ZFY: variants seen among roughly 807,000 people sequenced by gnomAD.
ZFY encodes zinc finger Y-chromosomal protein.
For synonymous variants in ZFY, 47 were observed against 55.8 expected (o/e 0.84, Z 0.71); for missense variants, 113 against 170.9 (o/e 0.66, Z 1.89).
At chrY:2,970,515 C>A in intron 3 of ZFY, among the ~76,000 whole-genome samples, 1 of 33,669 alleles carries the variant, frequency 3.0e-5, no homozygotes, top group Non-Finnish European at 7.4e-5. Flanking sequence ...AGAATAGCAA[C>A]GTTTTTATGA....
chrY:2,980,636 A>G lies in ZFY; in HGVS notation c.*643A>G. 2.9e-5 allele frequency: 1 copy of G among 34,235 alleles called. No homozygotes were observed. Among genetic ancestry groups the G allele is most frequent in the East Asian group, 7.6e-4 (1 of 1,308 alleles). The allele number at this position is 34,235 out of a possible 400,897, so 8.5% of individuals were successfully genotyped here. ...GCACAGCAAACTTTTAGAAAGTAAT[A>G]GTTTTACTTATTTTTATCTTCTGTT... On this transcript the variant is annotated 3_prime_UTR_variant, in exon 8 of 8. Transcript: ENST00000155093.
chrY:2,942,056 G>C (rs2051243971), intron 1 of ZFY, among the ~76,000 whole-genome samples: 1 of 30,036 alleles, frequency 3.3e-5, no homozygotes, highest in South Asian at 7.5e-4. Context: ...GGCCTCAAAT[G>C]ACCAGGCTAT....
intron 1 of ZFY, among the ~76,000 whole-genome samples, chrY:2,941,806 A>T: frequency 3.1e-5 from 1 of 32,301 alleles, no homozygotes; most frequent in African/African-American, 1.2e-4. Context: ...CCTGGCCCCA[A>T]AGATTTGACA....
At position 2,976,712 on chromosome Y, in the gene ZFY, T is replaced by C; in HGVS notation, c.971T>C (p.Val324Ala). Residue 324 changes from valine to alanine, a missense_variant, in exon 6 of 8, where the codon GTA becomes GCA. By Grantham distance (64) the Val-to-Ala change is moderately conservative. Transcript: ENST00000155093. ...IADEVYMEVI[V>A]GEEDAAVAAA... is the part of the protein sequence containing the mutation. ...GATGAAGTTTATATGGAAGTGATCG[T>C]AGGAGAGGAGGATGCTGCTGTTGCA... 2.5e-6 allele frequency: 1 copy of C among 392,675 alleles called. No individual in the cohort carries two copies. The highest frequency in any genetic ancestry group is 3.6e-6 in the Non-Finnish European group (1 of 279,077).
chrY:2,978,674 A>G, intron 7 of ZFY, 136 bp from the exon 8 acceptor site: 1 of 231,715 alleles, frequency 4.3e-6, no homozygotes. Flanking sequence ...AACTCTTAAC[A>G]TTGAAAAGCA....
At chrY:2,954,646 A>G (rs2051287523) in intron 2 of ZFY, among the ~76,000 whole-genome samples, 2 of 30,378 alleles carry the variant, frequency 6.6e-5, no homozygotes, top group Non-Finnish European at 1.6e-4. Flanking sequence ...GTGGTGAGCT[A>G]TAATGGCACA....
At chrY:2,965,354 C>T in intron 3 of ZFY, among the ~76,000 whole-genome samples, 1 of 30,454 alleles carries the variant, frequency 3.3e-5, no homozygotes, top group Non-Finnish European at 7.8e-5. Flanking sequence ...GGGGTTTCTC[C>T]ATGTTGGCCT....
chrY:2,961,369 T>C lies in ZFY; in HGVS notation c.357T>C (p.Val119=). Residue 119 remains valine, a synonymous_variant, in exon 3 of 8, where the codon GTT becomes GTC. Coordinates refer to ENST00000155093, the MANE Select transcript of ZFY (RefSeq NM_003411.4). ...CACACTGCACAGTCCCAGATGATGT[T>C]TTAGCTTCTGACATTACTTCAACCT... ...SLPHCTVPDD[V]LASDITSTSM... The C allele has an allele frequency of 2.5e-6, 1 of 399,604 alleles. No individual in the cohort carries two copies. The highest frequency in any genetic ancestry group is 7.4e-5 in the Admixed American group (1 of 13,584).
intron 3 of ZFY, among the ~76,000 whole-genome samples, chrY:2,973,012 C>T: frequency 3.1e-5 from 1 of 32,106 alleles, no homozygotes; most frequent in Non-Finnish European, 7.5e-5. Context: ...AAATAATCAT[C>T]TGTTCACCTG....
intron 3 of ZFY, chrY:2,967,016 A>C: frequency 1.5e-4 from 5 of 33,109 alleles, no homozygotes; most frequent in Admixed American, 5.6e-4. Context: ...AGAACTGAAA[A>C]CATATGTCCA....
rs2051211154 is a variant in ZFY at position 2,935,467 on chromosome Y, CGGCCGCGG to C, written c.-326_-319del. ...GTCGGGTGAGTCCCGCGTGCCCCCG[CGGCCGCGG>C]GGCCTAGTGCGCGCGCAGTAACCTG... is the stretch of plus-strand genomic sequence containing the variant. On this transcript the variant is annotated 5_prime_UTR_variant, in exon 1 of 8. Coordinates refer to ENST00000155093, the MANE Select transcript of ZFY (RefSeq NM_003411.4). 2.9e-5 allele frequency: 1 copy of C among 34,667 alleles called. No homozygotes were observed. Among genetic ancestry groups the C allele is most frequent in the Non-Finnish European group, 7.4e-5 (1 of 13,556 alleles). 8.6% of individuals were successfully genotyped at this position (34,667 alleles called of 400,897 possible). A position where few individuals can be genotyped will look rare whatever the true frequency, so the allele number is the denominator to read the frequency against.
intron 1 of ZFY, among the ~76,000 whole-genome samples, chrY:2,950,662 A>G (rs752226387): frequency 2.9e-5 from 1 of 33,946 alleles, no homozygotes; most frequent in East Asian, 7.8e-4. Context: ...AAATAGGACA[A>G]TAATCAGTCA....
chrY:2,954,198 T>G, intron 2 of ZFY, among the ~76,000 whole-genome samples: 1 of 33,762 alleles, frequency 3.0e-5, no homozygotes, highest in East Asian at 7.7e-4. Flanking sequence ...GTTATTCCAG[T>G]TTTTCCAGTT....
chrY:2,945,539 C>T, intron 1 of ZFY, among the ~76,000 whole-genome samples: 1 of 31,549 alleles, frequency 3.2e-5, no homozygotes, highest in South Asian at 7.4e-4. Context: ...AGTACGATGT[C>T]GGCTTACTGC....
chrY:2,950,300 G>A (rs2051274913), intron 1 of ZFY, among the ~76,000 whole-genome samples: 1 of 32,296 alleles, frequency 3.1e-5, no homozygotes, highest in South Asian at 7.1e-4. Context: ...TCCCCCTCCC[G>A]TGGTCCCTCA....
At chrY:2,955,353 T>C in intron 2 of ZFY, among the ~76,000 whole-genome samples, 1 of 33,641 alleles carries the variant, frequency 3.0e-5, no homozygotes, top group African/African-American at 1.2e-4. Context: ...CAGATGCTTA[T>C]TCTCTGGGTA....
chrY:2,938,983 T>TTATATATATA, intron 1 of ZFY, among the ~76,000 whole-genome samples: 1 of 5,226 alleles, frequency 1.9e-4, no homozygotes, highest in Admixed American at 1.7e-3. Flanking sequence ...CATACAGTGC[T>TTATATATATA]TATATATATA....
rs2051397278 is a variant in ZFY, at chrY:2,980,582, T to G, written c.*589T>G. On this transcript the variant is annotated 3_prime_UTR_variant, in exon 8 of 8. Coordinates refer to ENST00000155093, the MANE Select transcript of ZFY (RefSeq NM_003411.4). Reference sequence around the variant, plus strand: ...CAGACAAAATGTACTTCCCTTAACTTTCATTAATAGTGTTTACATCTTTTG... The same window carrying G: ...CAGACAAAATGTACTTCCCTTAACTGTCATTAATAGTGTTTACATCTTTTG... 2.9e-5 allele frequency: 1 copy of G among 34,956 alleles called. No homozygotes were observed. The highest frequency in any genetic ancestry group is 7.1e-5 in the Non-Finnish European group (1 of 14,065). 8.7% of individuals were successfully genotyped at this position (34,956 alleles called of 400,897 possible).
Position 2,975,254 on chromosome Y carries a change from A to G in ZFY, c.784+10A>G. The G allele has an allele frequency of 2.5e-6, 1 of 392,998 alleles. No homozygotes were observed. The highest frequency in any genetic ancestry group is 3.6e-6 in the Non-Finnish European group (1 of 280,915). ...GGAGAAGATGACTTAGGTAAGAGGAAGCTGTCAGCATTTTATACATTGTCA... is the reference window on the plus strand; with the variant it reads ...GGAGAAGATGACTTAGGTAAGAGGAGGCTGTCAGCATTTTATACATTGTCA... On this transcript the variant is annotated intron_variant, in intron 4 of 7. Coordinates refer to ENST00000155093, the MANE Select transcript of ZFY (RefSeq NM_003411.4).
Sources: gnomAD v4.1 joint callset for allele counts (sites outside exome capture counted in the v4.1 genomes callset) on GRCh38, gnomAD v4.1.1 for gene constraint, MANE v1.5 for transcripts, NCBI Gene and HGNC (gene_info 2026-07-23, HGNC 2026-07-21) for gene names.